The following CAMKMT variants were observed in gnomAD, a reference collection of about 807,000 sequenced individuals.
CAMKMT encodes the protein calmodulin-lysine N-methyltransferase.
A neutral mutation model predicts 48.0 loss-of-function variants in CAMKMT; 53 were observed. The observed-to-expected ratio is 1.10, with a 90% CI of 0.89 to 1.39. CAMKMT has a LOEUF of 1.39. CAMKMT is among the 40% of genes most tolerant of loss of function. CAMKMT has a pLI of 0.00. For synonymous variants in CAMKMT, 165 were observed against 152.3 expected (o/e 1.08, Z -0.61); for missense variants, 428 against 402.7 (o/e 1.06, Z -0.54).
intron 3 of CAMKMT, among the ~76,000 whole-genome samples, chr2:44,632,397 A>C (rs1272525406): frequency 6.6e-6 from 1 of 152,132 alleles, no homozygotes; most frequent in Non-Finnish European, 1.5e-5. Flanking sequence ...TTGAGGCGTT[A>C]GTTTATTTTT....
At chr2:44,611,571 C>T (rs1671600889) in intron 3 of CAMKMT, among the ~76,000 whole-genome samples, 1 of 152,050 alleles carries the variant, frequency 6.6e-6, no homozygotes, top group African/African-American at 2.4e-5. Flanking sequence ...TTTAAGAACT[C>T]GTGTTCTGGA....
intron 3 of CAMKMT, among the ~76,000 whole-genome samples, chr2:44,427,540 T>C (rs527238171): frequency 4.6e-5 from 7 of 152,182 alleles, no homozygotes; most frequent in Admixed American, 3.3e-4. Context: ...CCAACAAACA[T>C]GAAAAAATTC....
At chr2:44,478,157 A>G (rs2104672175) in intron 3 of CAMKMT, among the ~76,000 whole-genome samples, 1 of 152,356 alleles carries the variant, frequency 6.6e-6, no homozygotes, top group South Asian at 2.1e-4. Flanking sequence ...GAAACATGAT[A>G]AATATCTGGA....
chr2:44,667,588 A>G (rs911305962), intron 3 of CAMKMT, among the ~76,000 whole-genome samples: 1 of 152,108 alleles, frequency 6.6e-6, no homozygotes. Context: ...ACATAGATAG[A>G]TCATCTATCT....
chr2:44,621,528 G>C (rs1672194551), intron 3 of CAMKMT, among the ~76,000 whole-genome samples: 1 of 152,186 alleles, frequency 6.6e-6, no homozygotes, highest in African/African-American at 2.4e-5. Context: ...GGAAAGCTGG[G>C]AGAACATATT....
At chr2:44,511,501 C>G (rs1219931495) in intron 3 of CAMKMT, among the ~76,000 whole-genome samples, 1 of 151,418 alleles carries the variant, frequency 6.6e-6, no homozygotes, top group Non-Finnish European at 1.5e-5. Flanking sequence ...GTTAGCCAGG[C>G]TGGTCTCAAA....
At chr2:44,689,023 C>A (rs919920649) in intron 3 of CAMKMT, among the ~76,000 whole-genome samples, 1 of 152,146 alleles carries the variant, frequency 6.6e-6, no homozygotes, top group African/African-American at 2.4e-5. Flanking sequence ...TGAGATAAAG[C>A]TGGACTCCGA....
intron 3 of CAMKMT, among the ~76,000 whole-genome samples, chr2:44,436,206 A>G (rs529050456): frequency 6.6e-6 from 1 of 152,186 alleles, no homozygotes; most frequent in African/African-American, 2.4e-5. Flanking sequence ...CACCTGAGTA[A>G]CTGGGACTAC....
intron 3 of CAMKMT, among the ~76,000 whole-genome samples, chr2:44,429,141 T>A (rs1684473961): frequency 1.3e-5 from 2 of 152,180 alleles, no homozygotes; most frequent in Admixed American, 1.3e-4. Flanking sequence ...CTGACCAGCC[T>A]AGACATACCA....
At chr2:44,521,303 A>G (rs1005637875) in intron 3 of CAMKMT, among the ~76,000 whole-genome samples, 1 of 152,076 alleles carries the variant, frequency 6.6e-6, no homozygotes, top group Non-Finnish European at 1.5e-5. Context: ...TTTAATAGAC[A>G]GAGTCTTGCT....
intron 3 of CAMKMT, among the ~76,000 whole-genome samples, chr2:44,633,760 G>T (rs1672972068): frequency 6.6e-6 from 1 of 151,752 alleles, no homozygotes; most frequent in African/African-American, 2.4e-5. Context: ...AAATTTTCTT[G>T]AGTTTCTTTT....
intron 3 of CAMKMT, among the ~76,000 whole-genome samples, chr2:44,543,863 T>C (rs944830568): frequency 6.6e-6 from 1 of 152,214 alleles, no homozygotes; most frequent in Non-Finnish European, 1.5e-5. Context: ...ACTTTCATTG[T>C]CTGTTGACAG....
intron 3 of CAMKMT, among the ~76,000 whole-genome samples, chr2:44,452,089 TA>T (rs1287304451): frequency 6.6e-6 from 1 of 151,954 alleles, no homozygotes; most frequent in Non-Finnish European, 1.5e-5. Context: ...GCTGGTGGTT[TA>T]AAAAGCTAAC....
chr2:44,593,446 A>G (rs1399034503), intron 3 of CAMKMT, among the ~76,000 whole-genome samples: 1 of 151,646 alleles, frequency 6.6e-6, no homozygotes, highest in Non-Finnish European at 1.5e-5. Context: ...TGTCCTTTGA[A>G]CTCTAGCCAC....
intron 3 of CAMKMT, among the ~76,000 whole-genome samples, chr2:44,448,210 C>T (rs1279419795): frequency 6.6e-6 from 1 of 152,132 alleles, no homozygotes; most frequent in Non-Finnish European, 1.5e-5. Flanking sequence ...AGCACCCCAC[C>T]ACCCACTGCT....
At chr2:44,379,699 T>C (rs1047225577) in intron 2 of CAMKMT, among the ~76,000 whole-genome samples, 1 of 152,168 alleles carries the variant, frequency 6.6e-6, no homozygotes. Context: ...CATGTGCTTA[T>C]TGGCCATTTG....
chr2:44,457,074 C>T (rs2104607286), intron 3 of CAMKMT: 1 of 152,480 alleles, frequency 6.6e-6, no homozygotes, highest in Admixed American at 6.5e-5. Flanking sequence ...GTACTATGCT[C>T]ATATGATTCA....
chr2:44,679,900 A>G (rs1239305821), intron 3 of CAMKMT, among the ~76,000 whole-genome samples: 1 of 152,232 alleles, frequency 6.6e-6, no homozygotes, highest in Non-Finnish European at 1.5e-5. Flanking sequence ...GTGGTTAGTA[A>G]AACATATTTT....
chr2:44,645,414 G>C (rs1216273464), intron 3 of CAMKMT, among the ~76,000 whole-genome samples: 1 of 152,190 alleles, frequency 6.6e-6, no homozygotes, highest in Non-Finnish European at 1.5e-5. Flanking sequence ...CAAGGAGAAG[G>C]GGAAAGTAGT....
Sources: gnomAD v4.1 joint callset for allele counts (sites outside exome capture counted in the v4.1 genomes callset) on GRCh38, gnomAD v4.1.1 for gene constraint, MANE v1.5 for transcripts, NCBI Gene and HGNC (gene_info 2026-07-23, HGNC 2026-07-21) for gene names.